GRID2: variants seen among roughly 807,000 people sequenced by gnomAD.
The protein encoded by GRID2 is glutamate receptor ionotropic, delta-2.
In GRID2, 33 loss-of-function variants were observed where a neutral mutation model predicts 114.8. The ratio of observed to expected loss-of-function variants is 0.29; its 90% CI spans 0.22 to 0.38. The LOEUF (loss-of-function observed/expected upper bound fraction) is 0.38, where lower values mean the gene tolerates loss of function less well. Among genes scored for constraint, GRID2 ranks in the 10% least tolerant of loss-of-function variants. The probability of loss-of-function intolerance (pLI) is 1.00; values close to 1 mark genes in which losing one functional copy is unlikely to be tolerated. For missense variants in GRID2, 1,184 were observed against 1,257.7 expected (o/e 0.94, Z 0.89); for synonymous variants, 505 against 449.9 (o/e 1.12, Z -1.55).
intron 9 of GRID2, among the ~76,000 whole-genome samples, chr4:93,407,815 TCCTCCTCCTTCTC>T (rs1426556920): frequency 2.3e-5 from 3 of 131,318 alleles, no homozygotes; most frequent in African/African-American, 3.4e-5. Context: ...CTCCTCTTCC[TCCTCCTCCTTCTC>T]CTCCTCCTCC....
intron 2 of GRID2, among the ~76,000 whole-genome samples, chr4:92,714,560 T>C (rs1359376099): frequency 2.6e-5 from 4 of 152,216 alleles, no homozygotes; most frequent in Non-Finnish European, 5.9e-5. Flanking sequence ...GAGAGCCTTA[T>C]GCCTGCCACA....
chr4:93,250,883 T>C (rs1748832381), intron 8 of GRID2, among the ~76,000 whole-genome samples: 1 of 151,708 alleles, frequency 6.6e-6, no homozygotes, highest in African/African-American at 2.4e-5. Flanking sequence ...TAAAGTCTAT[T>C]AAAACATGGT....
rs960041015 is a variant in GRID2, at chr4:92,653,110, G to A, written c.244+62824G>A. On this transcript the variant is annotated intron_variant, in intron 2 of 15. Transcript: ENST00000282020. The stretch of plus-strand genomic sequence containing the variant: ...ACCTCCCAGGTTCAAGCAATTCTCT[G>A]CCTCAGCCTCTCAAGTAGCTGGGAT... 1.0e-4 allele frequency among the ~76,000 whole-genome samples: 15 copies of A among 149,336 alleles called. 1 individual carries two copies. In the South Asian group the frequency reaches 1.7e-3, roughly 17 times the overall value.
chr4:93,444,602 CA>C (rs543923301), intron 10 of GRID2, among the ~76,000 whole-genome samples: 54 of 151,950 alleles, frequency 3.6e-4, no homozygotes, highest in African/African-American at 1.3e-3. Flanking sequence ...AGGAAACATT[CA>C]AAAAAGTCCT....
intron 2 of GRID2, among the ~76,000 whole-genome samples, chr4:93,060,675 T>G (rs1727700238): frequency 6.6e-6 from 1 of 152,184 alleles, no homozygotes; most frequent in Non-Finnish European, 1.5e-5. Flanking sequence ...TATTTTTACT[T>G]TTGCTAACTT....
intron 2 of GRID2, among the ~76,000 whole-genome samples, chr4:92,895,384 C>CATACATATATATATAT: frequency 9.2e-6 from 1 of 108,158 alleles, no homozygotes; most frequent in Admixed American, 1.0e-4. Context: ...ATGTAGAAAA[C>CATACATATATATATAT]ATATATATAT....
At chr4:93,482,988 C>T (rs1726025086) in intron 11 of GRID2, among the ~76,000 whole-genome samples, 1 of 151,978 alleles carries the variant, frequency 6.6e-6, no homozygotes, top group African/African-American at 2.4e-5. Context: ...GATCTGGTCA[C>T]AGTATCTCTC....
chr4:93,617,794 A>C (rs1741828224), intron 13 of GRID2, among the ~76,000 whole-genome samples: 1 of 152,140 alleles, frequency 6.6e-6, no homozygotes, highest in African/African-American at 2.4e-5. Flanking sequence ...AAGCCTCAGC[A>C]CTCACAGCAG....
At chr4:92,773,649 AT>A (rs1410628139) in intron 2 of GRID2, among the ~76,000 whole-genome samples, 1 of 152,042 alleles carries the variant, frequency 6.6e-6, no homozygotes, top group African/African-American at 2.4e-5. Context: ...AATACCATAA[AT>A]TTAACTATTC....
chr4:92,754,981 A>G (rs1232199804), intron 2 of GRID2, among the ~76,000 whole-genome samples: 4 of 152,108 alleles, frequency 2.6e-5, no homozygotes, highest in Non-Finnish European at 5.9e-5. Context: ...TACATGTGTG[A>G]TATTCTTTAC....
At chr4:93,517,732 T>G (rs1219091500) in intron 13 of GRID2, among the ~76,000 whole-genome samples, 1 of 151,892 alleles carries the variant, frequency 6.6e-6, no homozygotes, top group African/African-American at 2.4e-5. Context: ...TTGTGGATTC[T>G]TATTCAAGAA....
Position 93,112,934 on chromosome 4 carries a change from T to G in GRID2, c.735+1981T>G, listed in dbSNP as rs367902344. 1.4e-4 allele frequency among the ~76,000 whole-genome samples: 22 copies of G among 152,320 alleles called. 1 individual carries two copies. Among genetic ancestry groups the G allele is most frequent in the African/African-American group, 5.3e-4 (22 of 41,582 alleles). On this transcript the variant is annotated intron_variant, in intron 4 of 15. Coordinates refer to ENST00000282020, the MANE Select transcript of GRID2 (RefSeq NM_001510.4). ...GAGGGTTCACCCTAATGACCTAATT[T>G]TAATTTGATTACCTCTGTAAAGACC...
chr4:93,224,269 T>C (rs146568404), intron 6 of GRID2, among the ~76,000 whole-genome samples: 4 of 152,312 alleles, frequency 2.6e-5, no homozygotes, highest in Non-Finnish European at 5.9e-5. Context: ...CCTTCCAATC[T>C]TAAACCCTTA....
chr4:92,684,248 T>G (rs1733791844), intron 2 of GRID2, among the ~76,000 whole-genome samples: 1 of 152,026 alleles, frequency 6.6e-6, no homozygotes, highest in African/African-American at 2.4e-5. Flanking sequence ...TTGAAGTGCT[T>G]AAAGTGCAGA....
intron 2 of GRID2, among the ~76,000 whole-genome samples, chr4:92,738,429 G>C (rs1338491555): frequency 6.6e-6 from 1 of 152,056 alleles, no homozygotes; most frequent in Non-Finnish European, 1.5e-5. Flanking sequence ...GGTTGTTGCA[G>C]TCCTTCCATT....
chr4:92,814,922 G>A (rs1232774596), intron 2 of GRID2, among the ~76,000 whole-genome samples: 2 of 152,062 alleles, frequency 1.3e-5, no homozygotes, highest in Non-Finnish European at 2.9e-5. Flanking sequence ...TCCCCCCAAT[G>A]TCATGTACTG....
chr4:92,553,980 C>A (rs1726726744), intron 1 of GRID2, among the ~76,000 whole-genome samples: 1 of 152,072 alleles, frequency 6.6e-6, no homozygotes, highest in African/African-American at 2.4e-5. Context: ...ATCTCAGAAT[C>A]ATAGTATCAG....
chr4:92,401,102 T>C (rs1730768026), intron 1 of GRID2, among the ~76,000 whole-genome samples: 1 of 152,138 alleles, frequency 6.6e-6, no homozygotes, highest in Admixed American at 6.5e-5. Context: ...TGAAGTGCAA[T>C]TTATCTATTT....
intron 1 of GRID2, among the ~76,000 whole-genome samples, chr4:92,513,184 A>G (rs1009746314): frequency 6.6e-6 from 1 of 151,882 alleles, no homozygotes; most frequent in African/African-American, 2.4e-5. Flanking sequence ...TTTCTTAATT[A>G]ACCTATTGCC....
Sources: gnomAD v4.1 joint callset for allele counts (sites outside exome capture counted in the v4.1 genomes callset) on GRCh38, gnomAD v4.1.1 for gene constraint, MANE v1.5 for transcripts, NCBI Gene and HGNC (gene_info 2026-07-23, HGNC 2026-07-21) for gene names.